The following SPG11 variants were observed in gnomAD, a reference collection of about 807,000 sequenced individuals.
SPG11 encodes the protein SPG11 vesicle trafficking associated, spatacsin.
Under a neutral mutation model 274.0 loss-of-function variants are expected in SPG11, and 222 were observed. The observed-to-expected ratio is 0.81, with a 90% CI of 0.73 to 0.91. SPG11 has a LOEUF of 0.91. Among genes scored for constraint, SPG11 ranks in the 40% least tolerant of loss-of-function variants. The pLI is 0.00. For missense variants in SPG11, 3,114 were observed against 2,872.7 expected, an observed-to-expected ratio of 1.08 and a Z score of -1.92; for synonymous variants, 1,144 against 1,039.7, an observed-to-expected ratio of 1.10 and a Z score of -1.93.
chr15:44,576,648 CA>C (rs1259947190), intron 30 of SPG11, among the ~76,000 whole-genome samples: 5 of 120,744 alleles, frequency 4.1e-5, no homozygotes, highest in Non-Finnish European at 5.3e-5. Flanking sequence ...GACTCTGTCT[CA>C]AAAAAAAAAG....
intron 4 of SPG11, among the ~76,000 whole-genome samples, chr15:44,652,699 G>C (rs1377267509): frequency 1.3e-5 from 2 of 149,924 alleles, no homozygotes; most frequent in African/African-American, 5.0e-5. Flanking sequence ...CTGTCACCCA[G>C]GCTGGAGTGC....
intron 11 of SPG11, among the ~76,000 whole-genome samples, chr15:44,625,176 C>CA (rs1491526212): frequency 1.3e-5 from 2 of 150,826 alleles, no homozygotes; most frequent in African/African-American, 4.9e-5. Context: ...AAACATTTCT[C>CA]AGTGTTATTT....
intron 37 of SPG11, 92 bp from the exon 38 acceptor site, chr15:44,566,101 C>G: frequency 6.3e-7 from 1 of 1,594,482 alleles, no homozygotes; most frequent in Non-Finnish European, 8.6e-7. Flanking sequence ...CCTTCTGTTC[C>G]TGGTTGGCCT....
intron 20 of SPG11, among the ~76,000 whole-genome samples, chr15:44,604,931 CAAAAAAAAAAAAA>C (rs908048525): frequency 2.7e-4 from 6 of 22,488 alleles, no homozygotes; most frequent in East Asian, 1.2e-3. Context: ...ACTCCATCTC[CAAAAAAAAAAAAA>C]AAAAAAAAAA....
At chr15:44,651,397 TA>T in intron 6 of SPG11, 93 bp downstream of exon 6, 1 of 1,087,700 alleles carries the variant, frequency 9.2e-7, no homozygotes, top group Middle Eastern at 2.0e-4. Context: ...CAATACCACT[TA>T]AAGGCAAGAG....
chr15:44,603,528 A>G (rs1290338975), intron 20 of SPG11, among the ~76,000 whole-genome samples: 5 of 152,242 alleles, frequency 3.3e-5, no homozygotes, highest in African/African-American at 1.2e-4. Flanking sequence ...CCTTCTATTA[A>G]TAAGACCAGC....
At position 44,660,624 on chromosome 15, in the gene SPG11, A is replaced by C. The variant is rs2085077917; in HGVS notation, c.258-8T>G. ...GAATCCTCCCATAGAAAGCTAAGAAAAAAAGTTTAGATTTATTATATTCTA... is the reference window on the plus strand; with the variant it reads ...GAATCCTCCCATAGAAAGCTAAGAACAAAAGTTTAGATTTATTATATTCTA... On this transcript the variant is annotated splice_polypyrimidine_tract_variant and splice_region_variant and intron_variant, in intron 1 of 39. Coordinates refer to ENST00000261866, the MANE Select transcript of SPG11 (RefSeq NM_025137.4). 2 of 1,613,928 alleles carry C rather than the reference A, an allele frequency of 1.2e-6. No individual in the cohort carries two copies. The highest frequency in any genetic ancestry group is 1.7e-6 in the Non-Finnish European group (2 of 1,179,836).
chr15:44,572,618 A>G, intron 33 of SPG11, 65 bp downstream of exon 33: 1 of 1,572,474 alleles, frequency 6.4e-7, no homozygotes, highest in South Asian at 1.1e-5. Flanking sequence ...AGTTTTGGAG[A>G]GACTGGGAGA....
intron 11 of SPG11, among the ~76,000 whole-genome samples, chr15:44,626,018 C>T (rs1346062698): frequency 6.6e-6 from 1 of 152,018 alleles, no homozygotes; most frequent in African/African-American, 2.4e-5. Context: ...TGGACTAATA[C>T]AAGGTACAAG....
chr15:44,638,744 C>T (rs966079634), intron 7 of SPG11, among the ~76,000 whole-genome samples: 1 of 152,068 alleles, frequency 6.6e-6, no homozygotes. Flanking sequence ...GCCTGTAATC[C>T]CGGCACTTTG....
Position 44,584,522 on chromosome 15 carries a change from G to A in SPG11, c.5158C>T (p.Gln1720Ter), listed in dbSNP as rs1060501173. 3 of 1,612,752 alleles carry A rather than the reference G, an allele frequency of 1.9e-6. No homozygotes were observed. The Admixed American group carries it at 5.0e-5, about 27-fold the overall frequency. ...ATTCTTGCTTGTTTTAGTGACCACT[G>A]TTCAATGTGTTTTAGGGTCTGCATT... ...QEMQTLKHIE[Q>*]WSLKQARIDF... Residue 1720 changes from glutamine to a stop codon, truncating the protein, a stop_gained, in exon 30 of 40, where the codon CAG becomes TAG. Coordinates refer to ENST00000261866, the MANE Select transcript of SPG11 (RefSeq NM_025137.4). LOFTEE classifies it high-confidence loss of function.
chr15:44,565,952 G>T lies in SPG11; in HGVS notation c.6901C>A (p.Gln2301Lys). The change falls in exon 38 of 40, where the codon CAG becomes AAG. Residue 2301 changes from glutamine (Q) to lysine (K), a missense_variant. Gln to Lys is a moderately conservative substitution (Grantham distance 53). Transcript: ENST00000261866. ...CQRLTKLITL[Q>K]IHFLNTGQNT... ...TGGCCAGTGTTCAGAAAGTGAATCT[G>T]CAGAGTTATCAACTTGGTGAGCCGC... 6.2e-7 allele frequency: 1 copy of T among 1,614,020 alleles called. No homozygotes were observed. Among genetic ancestry groups the T allele is most frequent in the Non-Finnish European group, 8.5e-7 (1 of 1,180,016 alleles).
chr15:44,629,210 C>A (rs760878818), intron 9 of SPG11, 23 bp downstream of exon 9: 1 of 1,612,436 alleles, frequency 6.2e-7, no homozygotes, highest in East Asian at 2.2e-5. Flanking sequence ...TAGAATTGCC[C>A]CCTTCCTAGC....
At chr15:44,566,338 T>TGC in intron 36 of SPG11, 33 bp from the exon 37 acceptor site, 1 of 1,597,762 alleles carries the variant, frequency 6.3e-7, no homozygotes, top group South Asian at 1.1e-5. Context: ...TTGCCGAGTC[T>TGC]GACTCCCAAA....
At chr15:44,628,549 A>C in intron 10 of SPG11, 120 bp downstream of exon 10, 5 of 977,824 alleles carry the variant, frequency 5.1e-6, no homozygotes, top group Non-Finnish European at 3.2e-6. Flanking sequence ...ATAAAACCTA[A>C]AACCTTTGCC....
At chr15:44,638,521 A>G (rs568268697) in intron 7 of SPG11, among the ~76,000 whole-genome samples, 1 of 144,274 alleles carries the variant, frequency 6.9e-6, no homozygotes. Flanking sequence ...CAACACACAC[A>G]ACAAAAAAAC....
In SPG11 at chr15:44,663,587, C is replaced by T; in HGVS notation, c.61G>A (p.Ala21Thr). 6.3e-7 allele frequency: 1 copy of T among 1,596,410 alleles called. No homozygotes were observed. Among genetic ancestry groups the T allele is most frequent in the African/African-American group, 1.3e-5 (1 of 74,894 alleles). Residue 21 changes from alanine (A) to threonine (T), a missense_variant, in exon 1 of 40, where the codon GCC (alanine) becomes ACC (threonine). By Grantham distance (58) the Ala-to-Thr change is moderately conservative. Coordinates refer to ENST00000261866, the MANE Select transcript of SPG11 (RefSeq NM_025137.4). ...AGCATCGGTAGAACCCGCCCCATGG[C>T]CGCGGTGCCCCAGCTACCGCCGGCG... is the stretch of plus-strand genomic sequence containing the variant. ...ASAGGSWGTA[A>T]MGRVLPMLLV... is the part of the protein sequence containing the mutation.
At chr15:44,566,847 A>G (rs2082319364) in intron 36 of SPG11, among the ~76,000 whole-genome samples, 3 of 151,566 alleles carry the variant, frequency 2.0e-5, no homozygotes, top group African/African-American at 7.3e-5. Context: ...TTACAGGTGC[A>G]TGCCGCCACA....
Position 44,588,081 on chromosome 15 carries a change from G to C in SPG11, c.4906+1171C>G, listed in dbSNP as rs547646306. On this transcript the variant is annotated intron_variant, in intron 28 of 39. Coordinates refer to ENST00000261866, the MANE Select transcript of SPG11 (RefSeq NM_025137.4). Reference sequence around the variant, plus strand: ...GAGCTCAGGATTCTGTCAGTGTTCTGTGCAAATCTGAGCTCTCCAGCTGAA... The same window carrying C: ...GAGCTCAGGATTCTGTCAGTGTTCTCTGCAAATCTGAGCTCTCCAGCTGAA... Among the ~76,000 whole-genome samples the C allele has an allele frequency of 2.6e-5, 4 of 152,248 alleles. No homozygotes were observed. In the South Asian group the frequency reaches 8.3e-4, roughly 32 times the overall value.
Sources: gnomAD v4.1 joint callset for allele counts (sites outside exome capture counted in the v4.1 genomes callset) on GRCh38, gnomAD v4.1.1 for gene constraint, MANE v1.5 for transcripts, NCBI Gene and HGNC (gene_info 2026-07-23, HGNC 2026-07-21) for gene names.